TNNT3: variants seen among roughly 807,000 people sequenced by gnomAD.
TNNT3 encodes troponin T3, fast skeletal type.
In TNNT3, 36 loss-of-function variants were observed where a neutral mutation model predicts 54.2. That is an observed-to-expected ratio of 0.66 (90% CI 0.51 to 0.88). The LOEUF is 0.88. TNNT3 is among the 40% of genes least tolerant of loss of function. The pLI, the probability that TNNT3 is intolerant of heterozygous loss-of-function variation, is 0.00. For synonymous variants in TNNT3, 120 were observed against 109.7 expected (o/e 1.09, Z -0.59); for missense variants, 291 against 331.6 (o/e 0.88, Z 0.95).
chr11:1,929,161 C>G lies in TNNT3; in HGVS notation c.106+18C>G. 1 of 1,612,390 alleles carries G rather than the reference C, an allele frequency of 6.2e-7. No homozygotes were observed. Among genetic ancestry groups the G allele is most frequent in the South Asian group, 1.1e-5 (1 of 91,090 alleles). Reference sequence around the variant, plus strand: ...CGCGGAAGGTAAGGGCCCGTCCCTGCCGCCGGAGGTGCAGGACCCTGGCTC... The same window carrying G: ...CGCGGAAGGTAAGGGCCCGTCCCTGGCGCCGGAGGTGCAGGACCCTGGCTC... On this transcript the variant is annotated intron_variant, in intron 7 of 15. Transcript: ENST00000278317.
chr11:1,932,607 A>C, intron 9 of TNNT3, 93 bp downstream of exon 9: 1 of 1,340,620 alleles, frequency 7.5e-7, no homozygotes, highest in South Asian at 1.2e-5. Context: ...CCTCCCAAGT[A>C]GCCAGAGCCG....
chr11:1,925,429 C>G (rs1036992707), intron 5 of TNNT3: 53 of 818,934 alleles, frequency 6.5e-5, no homozygotes, highest in Middle Eastern at 3.4e-4. Flanking sequence ...AACCCACTAA[C>G]CGCGGCCAAT....
Position 1,929,799 on chromosome 11 carries a change from G to C in TNNT3, c.107-11G>C. 1 of 1,551,734 alleles carries C rather than the reference G, an allele frequency of 6.4e-7. No individual in the cohort carries two copies. The highest frequency in any genetic ancestry group is 1.2e-5 in the South Asian group (1 of 84,042). ...GTGTCCCTCTCCCTACGCTGGTGCT[G>C]TGTGGACCAGAGGAGAAACCGAGAC... On this transcript the variant is annotated splice_polypyrimidine_tract_variant and intron_variant, in intron 7 of 15. Coordinates refer to ENST00000278317, the MANE Select transcript of TNNT3 (RefSeq NM_006757.4).
At chr11:1,922,714 C>T in intron 1 of TNNT3, 143 bp from the exon 2 acceptor site, 1 of 777,648 alleles carries the variant, frequency 1.3e-6, no homozygotes, top group Non-Finnish European at 2.2e-6. Context: ...GTGGACTCAC[C>T]CAAGGCCAGA....
intron 3 of TNNT3, 150 bp from the exon 4 acceptor site, chr11:1,923,405 C>T (rs1314321898): frequency 1.1e-6 from 1 of 892,090 alleles, no homozygotes; most frequent in African/African-American, 1.6e-5. Flanking sequence ...AGCGCCTCCT[C>T]AGGGCCCGAG....
At chr11:1,933,199 A>G (rs1324059424) in intron 9 of TNNT3, among the ~76,000 whole-genome samples, 2 of 132,250 alleles carry the variant, frequency 1.5e-5, no homozygotes, top group African/African-American at 2.8e-5. Context: ...ATCCTCTACC[A>G]TTAATCCACA....
At chr11:1,938,039 C>A (rs1855669951) in intron 15 of TNNT3, among the ~76,000 whole-genome samples, 4 of 152,222 alleles carry the variant, frequency 2.6e-5, no homozygotes, top group Admixed American at 2.6e-4. Flanking sequence ...AGACCTCAGA[C>A]AAATGGGGCA....
chr11:1,924,359 C>T (rs926724381), intron 4 of TNNT3, among the ~76,000 whole-genome samples: 14 of 152,156 alleles, frequency 9.2e-5, no homozygotes, highest in African/African-American at 2.4e-4. Flanking sequence ...TGTGGGGTGG[C>T]GGTTCTCAGG....
intron 1 of TNNT3, 47 bp downstream of exon 1, chr11:1,919,809 C>A (rs1188415367): frequency 6.6e-6 from 1 of 152,392 alleles, no homozygotes; most frequent in African/African-American, 2.4e-5. Context: ...CCGACGGGGC[C>A]TCCTGCGTGC....
At chr11:1,922,941 C>T (rs756421062) in intron 2 of TNNT3, 50 bp downstream of exon 2, 24 of 1,613,728 alleles carry the variant, frequency 1.5e-5, no homozygotes, top group South Asian at 2.2e-5. Flanking sequence ...GACCCTGGCC[C>T]CTTGGCTTCT....
At position 1,925,361 on chromosome 11, in the gene TNNT3, G is replaced by A. The variant is rs763847223; in HGVS notation, c.67+245G>A. ...GTGGGGGTGGGGGAGAGGGGGAGAG[G>A]GTGGGGAAGCCACGAGGTACCAGCC... is the stretch of plus-strand genomic sequence containing the variant. On this transcript the variant is annotated intron_variant, in intron 5 of 15. Transcript: ENST00000278317. 13 of 1,481,636 alleles carry A rather than the reference G, an allele frequency of 8.8e-6. No individual in the cohort carries two copies. The South Asian group carries it at 1.6e-4, about 18-fold the overall frequency. 91.8% of individuals were successfully genotyped at this position (1,481,636 alleles called of 1,614,324 possible). A position where few individuals can be genotyped will look rare whatever the true frequency, so the allele number is the denominator to read the frequency against.
rs116170059 is a variant in TNNT3 at position 1,920,258 on chromosome 11, G to A, written c.-19+496G>A. On this transcript the variant is annotated intron_variant, in intron 1 of 15. Transcript: ENST00000278317. ...ACCGCCATTTTGTAGAGATGAAAAC[G>A]AGGACAGGAGGGCAGGGGCTCCTGT... Among the ~76,000 whole-genome samples the A allele has an allele frequency of 3.1e-3, 474 of 152,308 alleles. 2 individuals are homozygous for A. Among genetic ancestry groups the A allele is most frequent in the African/African-American group, 0.011 (441 of 41,570 alleles).
intron 1 of TNNT3, chr11:1,921,310 G>C (rs1312957194): frequency 6.6e-6 from 1 of 152,270 alleles, no homozygotes; most frequent in Non-Finnish European, 1.5e-5. Flanking sequence ...GGCACAGCAG[G>C]GCGGGGCCAG....
intron 1 of TNNT3, among the ~76,000 whole-genome samples, chr11:1,922,162 C>T (rs1850265326): frequency 6.6e-6 from 1 of 152,194 alleles, no homozygotes; most frequent in South Asian, 2.1e-4. Context: ...GGCTCAGCCT[C>T]AATGTTTTCA....
At chr11:1,930,352 C>T (rs750318116) in intron 8 of TNNT3, among the ~76,000 whole-genome samples, 4 of 152,142 alleles carry the variant, frequency 2.6e-5, no homozygotes, top group South Asian at 2.1e-4. Flanking sequence ...AAAGTGAGTC[C>T]GGAAGTGGAG....
chr11:1,929,777 T>TCCCTCTCCCTACGCTGGTGC, intron 7 of TNNT3, 33 bp from the exon 8 acceptor site: 2 of 1,551,932 alleles, frequency 1.3e-6, no homozygotes, highest in Non-Finnish European at 1.7e-6. Flanking sequence ...CACGCTGGTG[T>TCCCTCTCCCTACGCTGGTGC]CCCTCTCCCT....
At chr11:1,929,202 A>G in intron 7 of TNNT3, 59 bp downstream of exon 7, 2 of 1,593,728 alleles carry the variant, frequency 1.3e-6, no homozygotes, top group East Asian at 2.2e-5. Flanking sequence ...GACGCGAGGG[A>G]AAGAGGACAG....
At chr11:1,933,111 T>C (rs920528839) in intron 9 of TNNT3, among the ~76,000 whole-genome samples, 2 of 137,680 alleles carry the variant, frequency 1.5e-5, no homozygotes, top group South Asian at 2.4e-4. Flanking sequence ...CATCCACTCA[T>C]CCACCCTCCC....
chr11:1,923,421 C>T, intron 3 of TNNT3, 134 bp from the exon 4 acceptor site: 3 of 998,958 alleles, frequency 3.0e-6, no homozygotes, highest in Non-Finnish European at 4.8e-6. Flanking sequence ...CCGAGGACCC[C>T]TGATTCCACG....
Sources: allele counts gnomAD v4.1 joint callset (sites outside exome capture counted in the v4.1 genomes callset), GRCh38; gene constraint gnomAD v4.1.1; transcripts MANE v1.5; gene names NCBI Gene and HGNC (gene_info 2026-07-23, HGNC 2026-07-21).